The following HPCAL1 variants were observed in gnomAD, a reference collection of about 807,000 sequenced individuals.
HPCAL1 encodes the protein hippocalcin like 1, also known as hippocalcin-like protein 1.
A neutral mutation model predicts 17.1 loss-of-function variants in HPCAL1; 8 were observed. The observed-to-expected ratio is 0.47, with a 90% CI of 0.27 to 0.84. The LOEUF (loss-of-function observed/expected upper bound fraction) is 0.84. Among genes scored for constraint, HPCAL1 ranks in the 40% least tolerant of loss-of-function variants. The pLI, the probability that HPCAL1 is intolerant of heterozygous loss-of-function variation, is 0.13. For missense variants in HPCAL1, 165 were observed against 271.1 expected, an observed-to-expected ratio of 0.61 and a Z score of 2.75; for synonymous variants, 112 against 111.4, an observed-to-expected ratio of 1.01 and a Z score of -0.03.
intron 1 of HPCAL1, among the ~76,000 whole-genome samples, chr2:10,337,724 G>A (rs1479401097): frequency 2.0e-5 from 3 of 152,164 alleles, no homozygotes; most frequent in African/African-American, 7.2e-5. Context: ...TGGAGGCTGT[G>A]GCTAAGATCT....
At position 10,426,994 on chromosome 2, in the gene HPCAL1, G is replaced by A. The variant is rs1037953574; in HGVS notation, c.*173G>A. The A allele has an allele frequency of 1.8e-5, 11 of 613,286 alleles. No homozygotes were observed. Among genetic ancestry groups the A allele is most frequent in the Non-Finnish European group, 2.9e-5 (10 of 341,746 alleles). 38.0% of individuals were successfully genotyped at this position (613,286 alleles called of 1,614,324 possible). On this transcript the variant is annotated 3_prime_UTR_variant, in exon 5 of 5. Transcript: ENST00000307845. ...CGCCTCCCTCCTCCACCTGACCAAC[G>A]CGACATTCCTCCCCTCACGCCTGGC...
intron 1 of HPCAL1, among the ~76,000 whole-genome samples, chr2:10,357,053 C>T (rs1389672858): frequency 6.6e-6 from 1 of 152,128 alleles, no homozygotes; most frequent in Non-Finnish European, 1.5e-5. Flanking sequence ...GTTGAGGCTG[C>T]AGTGAGCTAT....
chr2:10,356,359 G>T (rs1484028362), intron 1 of HPCAL1, among the ~76,000 whole-genome samples: 1 of 152,308 alleles, frequency 6.6e-6, no homozygotes, highest in East Asian at 1.9e-4. Context: ...TTGCCTGAGG[G>T]ACTGGGGAGG....
chr2:10,307,141 C>T (rs1662679559), intron 1 of HPCAL1, among the ~76,000 whole-genome samples: 1 of 152,196 alleles, frequency 6.6e-6, no homozygotes, highest in African/African-American at 2.4e-5. Context: ...TCTTCTCCAG[C>T]AAGGGATGGG....
intron 1 of HPCAL1, among the ~76,000 whole-genome samples, chr2:10,361,472 T>G (rs1224606056): frequency 1.3e-5 from 2 of 152,186 alleles, no homozygotes; most frequent in African/African-American, 4.8e-5. Flanking sequence ...TTCTCATTGT[T>G]CTTGGGAAAC....
intron 1 of HPCAL1, among the ~76,000 whole-genome samples, chr2:10,357,776 G>A (rs950986244): frequency 2.2e-4 from 33 of 151,778 alleles, no homozygotes; most frequent in African/African-American, 4.8e-4. Context: ...TCCCATCCCC[G>A]ACTGTAACAA....
chr2:10,421,918 T>C (rs1256531630), intron 3 of HPCAL1, among the ~76,000 whole-genome samples: 1 of 152,186 alleles, frequency 6.6e-6, no homozygotes, highest in Non-Finnish European at 1.5e-5. Flanking sequence ...ACTCTGGTAC[T>C]GTCGTCACTT....
intron 1 of HPCAL1, among the ~76,000 whole-genome samples, chr2:10,380,661 T>C (rs11690273): frequency 0.18 from 27,272 of 151,972 alleles, 3,142 homozygotes; most frequent in East Asian, 0.49. Context: ...CATTTTCTCT[T>C]TCTCTCTGCA....
At chr2:10,332,628 T>C (rs1021702792) in intron 1 of HPCAL1, among the ~76,000 whole-genome samples, 2 of 152,062 alleles carry the variant, frequency 1.3e-5, no homozygotes, top group Non-Finnish European at 2.9e-5. Context: ...TCGAGGAAAA[T>C]GCAGTCGGGG....
At chr2:10,405,649 G>A (rs1436325092) in intron 2 of HPCAL1, among the ~76,000 whole-genome samples, 1 of 152,242 alleles carries the variant, frequency 6.6e-6, no homozygotes, top group Middle Eastern at 3.2e-3. Flanking sequence ...TCATTCTGCA[G>A]CTGGCACAAA....
chr2:10,337,097 C>T (rs1572667454), intron 1 of HPCAL1, among the ~76,000 whole-genome samples: 1 of 152,040 alleles, frequency 6.6e-6, no homozygotes, highest in Non-Finnish European at 1.5e-5. Flanking sequence ...GTGGGAATGG[C>T]TATGTGGTGC....
chr2:10,350,783 A>T (rs1665792654), intron 1 of HPCAL1, among the ~76,000 whole-genome samples: 1 of 152,252 alleles, frequency 6.6e-6, no homozygotes, highest in South Asian at 2.1e-4. Context: ...ACTTGAATAG[A>T]CGTTTCTCCA....
Position 10,342,955 on chromosome 2 carries a change from G to A in HPCAL1, c.-111+39778G>A, listed in dbSNP as rs985244329. On this transcript the variant is annotated intron_variant, in intron 1 of 4. Coordinates refer to ENST00000307845, the MANE Select transcript of HPCAL1 (RefSeq NM_002149.4). This position sits in a 1 kb window ranked among gnomAD's most constrained non-coding sequence, Gnocchi z 4.1. ...CTCCCTGGGGCCTGGCTTTGGAGAT[G>A]GCCAGTGCTGGTTTGAAGCTTCTGT... 1.3e-5 allele frequency among the ~76,000 whole-genome samples: 2 copies of A among 152,180 alleles called. No homozygotes were observed. Among genetic ancestry groups the A allele is most frequent in the South Asian group, 2.1e-4 (1 of 4,830 alleles).
intron 1 of HPCAL1, among the ~76,000 whole-genome samples, chr2:10,382,677 T>G (rs970830355): frequency 2.2e-4 from 32 of 143,748 alleles, no homozygotes; most frequent in African/African-American, 8.5e-4. Flanking sequence ...TCAGCTAGAG[T>G]AGAGGCAGGA....
At chr2:10,341,935 A>T (rs1665112588) in intron 1 of HPCAL1, among the ~76,000 whole-genome samples, 1 of 151,798 alleles carries the variant, frequency 6.6e-6, no homozygotes, top group Non-Finnish European at 1.5e-5. Flanking sequence ...AAGTGGGAGG[A>T]TCACTTGAGG....
intron 2 of HPCAL1, among the ~76,000 whole-genome samples, chr2:10,399,555 AC>A (rs1558518876): frequency 0.025 from 1,367 of 54,530 alleles, 94 homozygotes; most frequent in African/African-American, 0.12. Flanking sequence ...CACCGCCACC[AC>A]TACCGCCACC....
chr2:10,369,116 C>G (rs1383162398), intron 1 of HPCAL1: 1 of 152,192 alleles, frequency 6.6e-6, no homozygotes, highest in Non-Finnish European at 1.5e-5. Context: ...CATCAAGGAG[C>G]CCTCTCAGGC....
intron 1 of HPCAL1, among the ~76,000 whole-genome samples, chr2:10,327,841 A>T (rs754910068): frequency 6.6e-6 from 1 of 152,256 alleles, no homozygotes; most frequent in Non-Finnish European, 1.5e-5. Context: ...CTTTCTGCAG[A>T]CAGTGGTAAC....
chr2:10,315,116 C>T (rs1263785732), intron 1 of HPCAL1, among the ~76,000 whole-genome samples: 1 of 151,952 alleles, frequency 6.6e-6, no homozygotes, highest in Non-Finnish European at 1.5e-5. Context: ...ACGGTGAAAC[C>T]CCGTCTCTAC....
Sources: gnomAD v4.1 joint callset for allele counts (sites outside exome capture counted in the v4.1 genomes callset) on GRCh38, gnomAD v4.1.1 for gene constraint, Gnocchi (gnomAD v3.1) non-coding constraint, MANE v1.5 for transcripts, NCBI Gene and HGNC (gene_info 2026-07-23, HGNC 2026-07-21) for gene names.